CENPK: variants seen among roughly 807,000 people sequenced by gnomAD.
CENPK encodes SoxLZ/Sox6-binding protein Solt.
Under a neutral mutation model 40.9 loss-of-function variants are expected in CENPK, and 46 were observed. The ratio of observed to expected loss-of-function variants is 1.13; its 90% CI spans 0.89 to 1.44. The LOEUF (loss-of-function observed/expected upper bound fraction) is 1.44, where lower values mean the gene tolerates loss of function less well. Ranked by LOEUF, CENPK falls within the 40% of genes most tolerant of loss-of-function variation. The pLI is 0.00. For missense variants in CENPK, 288 were observed against 303.5 expected, an observed-to-expected ratio of 0.95 and a Z score of 0.38; for synonymous variants, 107 against 104.4, an observed-to-expected ratio of 1.02 and a Z score of -0.15.
chr5:65,519,937 T>C (rs950080192), intron 10 of CENPK, among the ~76,000 whole-genome samples: 2 of 152,138 alleles, frequency 1.3e-5, no homozygotes, highest in African/African-American at 4.8e-5. Context: ...TAACTGCAGT[T>C]TTAAGATTAG....
Position 65,518,410 on chromosome 5 carries a change from GT to G in CENPK, c.*64del. ...GCAAATAATGTTTTTTATCCAAATA[GT>G]CCTGTGGTTCCAATATCCTTGAATG... is the stretch of plus-strand genomic sequence containing the variant. On this transcript the variant is annotated 3_prime_UTR_variant, in exon 11 of 11. Coordinates refer to ENST00000396679, the MANE Select transcript of CENPK (RefSeq NM_022145.5). The G allele has an allele frequency of 1.3e-6, 2 of 1,491,354 alleles. No individual in the cohort carries two copies. The highest frequency in any genetic ancestry group is 1.8e-6 in the Non-Finnish European group (2 of 1,091,328). The allele number at this position is 1,491,354 out of a possible 1,614,324, so 92.4% of individuals were successfully genotyped here.
the CENPK span, among the ~76,000 whole-genome samples, chr5:65,511,489 C>A: frequency 6.6e-6 from 1 of 152,118 alleles, no homozygotes; most frequent in East Asian, 1.9e-4. Context: ...CAGCTGGTGA[C>A]CTTAAGTTAA....
chr5:65,517,163 G>A (rs760031127), downstream of CENPK, among the ~76,000 whole-genome samples: 1 of 152,090 alleles, frequency 6.6e-6, no homozygotes, highest in Non-Finnish European at 1.5e-5. Flanking sequence ...GGCTGGTCTC[G>A]AACTCCTGAC....
At chr5:65,546,236 G>GAA (rs1561673255) in intron 5 of CENPK, among the ~76,000 whole-genome samples, 14 of 54,530 alleles carry the variant, frequency 2.6e-4, no homozygotes, top group African/African-American at 9.3e-4. Flanking sequence ...CTGCCCCCCC[G>GAA]CTCAGGTGAT....
In CENPK at chr5:65,551,582, G is replaced by A; in HGVS notation, c.223C>T (p.Gln75Ter). 1 of 1,562,824 alleles carries A rather than the reference G, an allele frequency of 6.4e-7. No homozygotes were observed. ...KCLTAELSQWQKKTPETIPLT... is the reference protein window; with the variant it reads ...KCLTAELSQW ...ATCTTACTTTCAGGTGTTTTTTTCT[G>A]CCATTGACTGAGTTCAGCGGTTAAA... The change falls in exon 5 of 11, where the codon CAG becomes TAG. Residue 75 changes from glutamine to a stop codon, truncating the protein, a stop_gained. Transcript: ENST00000396679. LOFTEE classifies it high-confidence loss of function.
intron 6 of CENPK, among the ~76,000 whole-genome samples, chr5:65,536,013 T>C (rs1461292536): frequency 6.6e-6 from 1 of 152,168 alleles, no homozygotes; most frequent in East Asian, 1.9e-4. Context: ...CAGTAAAATA[T>C]ACAATGATAG....
At chr5:65,544,300 T>C (rs991319302) in intron 5 of CENPK, among the ~76,000 whole-genome samples, 2 of 152,156 alleles carry the variant, frequency 1.3e-5, no homozygotes, top group East Asian at 3.8e-4. Context: ...TTTAACACTA[T>C]CATAATGGTG....
intron 6 of CENPK, among the ~76,000 whole-genome samples, chr5:65,540,870 C>T (rs778210238): frequency 1.2e-4 from 18 of 150,582 alleles, no homozygotes; most frequent in African/African-American, 2.9e-4. Flanking sequence ...GGCAGTGACG[C>T]GATCATGGCT....
chr5:65,535,306 C>T (rs1377896819), intron 6 of CENPK, among the ~76,000 whole-genome samples: 1 of 152,098 alleles, frequency 6.6e-6, no homozygotes, highest in East Asian at 1.9e-4. Context: ...ACCTAGACTG[C>T]AAAAACCTTG....
At chr5:65,544,907 G>C (rs188978750) in intron 5 of CENPK, among the ~76,000 whole-genome samples, 26 of 152,278 alleles carry the variant, frequency 1.7e-4, no homozygotes, top group African/African-American at 6.0e-4. Context: ...AATGTGTATA[G>C]AGTTTCAGAT....
At chr5:65,515,419 T>A (rs1268961363), downstream of CENPK, among the ~76,000 whole-genome samples, 2 of 152,054 alleles carry the variant, frequency 1.3e-5, no homozygotes, top group Non-Finnish European at 2.9e-5. Context: ...GCCAGGATGG[T>A]CTCGATCTCC....
At chr5:65,561,192 AC>A (rs1419563286) in intron 2 of CENPK, 1 of 185,626 alleles carries the variant, frequency 5.4e-6, no homozygotes, top group Non-Finnish European at 1.2e-5. Flanking sequence ...TGAAAATCTC[AC>A]CTGCTATACC....
At chr5:65,522,385 C>G (rs1743927874) in intron 9 of CENPK, among the ~76,000 whole-genome samples, 1 of 152,118 alleles carries the variant, frequency 6.6e-6, no homozygotes, top group African/African-American at 2.4e-5. Flanking sequence ...CTCAAATCTT[C>G]TCTTTTTCAA....
At position 65,529,231 on chromosome 5, in the gene CENPK, G is replaced by A. The variant is rs765449125; in HGVS notation, c.289-32C>T. ...TAAAATAATTCAAATTAATTGCTTG[G>A]TCTTTAATCCCAGTTTTATTTCTGA... is the stretch of plus-strand genomic sequence containing the variant. On this transcript the variant is annotated intron_variant, in intron 6 of 10. Transcript: ENST00000396679. 2.5e-5 allele frequency: 35 copies of A among 1,402,978 alleles called. No individual in the cohort carries two copies. In the Admixed American group the frequency reaches 6.2e-4, roughly 25 times the overall value. The allele number at this position is 1,402,978 out of a possible 1,614,324, so 86.9% of individuals were successfully genotyped here. A position where few individuals can be genotyped will look rare whatever the true frequency, so the allele number is the denominator to read the frequency against.
chr5:65,530,081 G>T (rs941860520), intron 6 of CENPK, among the ~76,000 whole-genome samples: 1 of 152,192 alleles, frequency 6.6e-6, no homozygotes, highest in African/African-American at 2.4e-5. Context: ...AGGATTACAG[G>T]TGTGAGCCAC....
chr5:65,511,448 G>A, the CENPK span, among the ~76,000 whole-genome samples: 1 of 152,160 alleles, frequency 6.6e-6, no homozygotes. Flanking sequence ...AGTTTCAAAG[G>A]ACAGAAAGAC....
chr5:65,512,478 T>C, the CENPK span, among the ~76,000 whole-genome samples: 1 of 152,136 alleles, frequency 6.6e-6, no homozygotes, highest in African/African-American at 2.4e-5. Context: ...ACTACCCCAA[T>C]CAGTCAGCAG....
At chr5:65,527,423 A>G (rs2150366309) in intron 9 of CENPK, among the ~76,000 whole-genome samples, 1 of 149,644 alleles carries the variant, frequency 6.7e-6, no homozygotes, top group Middle Eastern at 3.5e-3. Flanking sequence ...GGGAGACATG[A>G]AAGATTTTAT....
chr5:65,535,534 C>G (rs746940717), intron 6 of CENPK, among the ~76,000 whole-genome samples: 8 of 152,142 alleles, frequency 5.3e-5, no homozygotes, highest in Non-Finnish European at 1.2e-4. Flanking sequence ...AGGTCAGTTA[C>G]ACAATACCTG....
Sources: allele counts gnomAD v4.1 joint callset (sites outside exome capture counted in the v4.1 genomes callset), GRCh38; gene constraint gnomAD v4.1.1; transcripts MANE v1.5; gene names NCBI Gene and HGNC (gene_info 2026-07-23, HGNC 2026-07-21).